CDH4: variants seen among roughly 807,000 people sequenced by gnomAD.
The protein encoded by CDH4 is cadherin-4.
CDH4 carries 33 observed loss-of-function variants against 86.0 expected under a neutral mutation model. The observed-to-expected ratio is 0.38, with a 90% CI of 0.29 to 0.51. CDH4 has a LOEUF of 0.51. Among genes scored for constraint, CDH4 ranks in the 20% least tolerant of loss-of-function variants. The probability of loss-of-function intolerance (pLI) is 0.86; values close to 1 mark genes in which losing one functional copy is unlikely to be tolerated. For synonymous variants in CDH4, 555 were observed against 549.4 expected (o/e 1.01, Z -0.14); for missense variants, 1,114 against 1,307.4 (o/e 0.85, Z 2.28).
chr20:61,303,204 CAA>C (rs1391410359), intron 2 of CDH4, among the ~76,000 whole-genome samples: 4 of 152,216 alleles, frequency 2.6e-5, no homozygotes, highest in Admixed American at 6.5e-5. Context: ...AGCTGTGAAA[CAA>C]GAGTGGAGAG....
chr20:61,389,799 A>T (rs1316343940), intron 2 of CDH4, among the ~76,000 whole-genome samples: 1 of 152,242 alleles, frequency 6.6e-6, no homozygotes, highest in Non-Finnish European at 1.5e-5. Context: ...CAAAGTGCCC[A>T]TAGCACCATG....
At chr20:61,814,185 C>T (rs746875516) in intron 4 of CDH4, among the ~76,000 whole-genome samples, 5 of 152,178 alleles carry the variant, frequency 3.3e-5, no homozygotes, top group Non-Finnish European at 7.3e-5. Flanking sequence ...CAGGAAAGGC[C>T]CACTTTGTAG....
intron 2 of CDH4, among the ~76,000 whole-genome samples, chr20:61,735,160 C>T (rs937851467): frequency 6.6e-6 from 1 of 152,136 alleles, no homozygotes; most frequent in Admixed American, 6.5e-5. Flanking sequence ...ACTCGGGACC[C>T]ACTCCAGGGA....
intron 2 of CDH4, among the ~76,000 whole-genome samples, chr20:61,527,184 A>C (rs1177999067): frequency 6.6e-6 from 1 of 152,342 alleles, no homozygotes; most frequent in African/African-American, 2.4e-5. Context: ...ACCAGCGCCC[A>C]GGCGCCCCTG....
intron 2 of CDH4, among the ~76,000 whole-genome samples, chr20:61,522,664 C>T (rs991803160): frequency 1.3e-5 from 2 of 152,264 alleles, no homozygotes; most frequent in African/African-American, 4.8e-5. Flanking sequence ...ACGCACGGCG[C>T]AGTCCGGGTG....
chr20:61,474,673 T>A (rs1369418799), intron 2 of CDH4, among the ~76,000 whole-genome samples: 2 of 152,134 alleles, frequency 1.3e-5, no homozygotes, highest in Non-Finnish European at 2.9e-5. Context: ...ACCCTTTCTT[T>A]AAAATGTAAT....
At chr20:61,318,538 C>T (rs1007312084) in intron 2 of CDH4, among the ~76,000 whole-genome samples, 72 of 152,028 alleles carry the variant, frequency 4.7e-4, no homozygotes, top group African/African-American at 1.5e-3. Flanking sequence ...GATCATGAAT[C>T]GGGTAGGGAT....
chr20:61,812,355 C>G (rs1464074916), intron 4 of CDH4, among the ~76,000 whole-genome samples: 2 of 152,114 alleles, frequency 1.3e-5, no homozygotes, highest in African/African-American at 2.4e-5. Context: ...GCTGGGCCTG[C>G]CGGGTGGGGC....
At chr20:61,682,271 T>C (rs891763568) in intron 2 of CDH4, among the ~76,000 whole-genome samples, 27 of 135,998 alleles carry the variant, frequency 2.0e-4, no homozygotes, top group African/African-American at 8.0e-4. Flanking sequence ...GAGGAACAGA[T>C]GGATGGATGG....
chr20:61,929,032 C>T (rs1468814154), intron 12 of CDH4, among the ~76,000 whole-genome samples: 1 of 152,100 alleles, frequency 6.6e-6, no homozygotes. Context: ...ATTGTCTGTT[C>T]AATGACTTTG....
At chr20:61,590,579 C>T (rs1011844898) in intron 2 of CDH4, among the ~76,000 whole-genome samples, 7 of 152,182 alleles carry the variant, frequency 4.6e-5, no homozygotes, top group African/African-American at 1.7e-4. Flanking sequence ...ATCAGCAGAT[C>T]GTCCATGGCT....
intron 7 of CDH4, among the ~76,000 whole-genome samples, chr20:61,877,566 C>T (rs1013040425): frequency 1.4e-4 from 21 of 152,230 alleles, no homozygotes; most frequent in East Asian, 9.7e-4. Context: ...GGCTTCTATC[C>T]GACGGGAGGC....
intron 2 of CDH4, among the ~76,000 whole-genome samples, chr20:61,640,409 C>T (rs1282059880): frequency 2.0e-5 from 3 of 152,212 alleles, no homozygotes; most frequent in Non-Finnish European, 4.4e-5. Flanking sequence ...AGAAGACAAG[C>T]ATGCAAGTAG....
At chr20:61,462,869 C>T (rs715923) in intron 2 of CDH4, among the ~76,000 whole-genome samples, 7 of 152,078 alleles carry the variant, frequency 4.6e-5, no homozygotes, top group South Asian at 4.2e-4. Flanking sequence ...GCACCTCACC[C>T]GTCAGTCTTC....
chr20:61,346,906 C>G (rs1293208032), intron 2 of CDH4, among the ~76,000 whole-genome samples: 2 of 152,138 alleles, frequency 1.3e-5, no homozygotes, highest in Non-Finnish European at 2.9e-5. Flanking sequence ...TGCCCCCCAT[C>G]TGTCCCTCAT....
chr20:61,866,702 C>G (rs1983565575), intron 6 of CDH4, among the ~76,000 whole-genome samples: 1 of 152,176 alleles, frequency 6.6e-6, no homozygotes, highest in Non-Finnish European at 1.5e-5. Context: ...GTGCCTTCTC[C>G]TCATTGTGCC....
chr20:61,855,984 CT>C (rs796843249), intron 6 of CDH4, among the ~76,000 whole-genome samples: 84 of 152,336 alleles, frequency 5.5e-4, no homozygotes, highest in African/African-American at 1.9e-3. Flanking sequence ...TCAAGCCCAC[CT>C]CGGTCACCCT....
intron 8 of CDH4, among the ~76,000 whole-genome samples, chr20:61,898,383 C>T (rs1441038694): frequency 6.6e-6 from 1 of 152,220 alleles, no homozygotes; most frequent in Non-Finnish European, 1.5e-5. Flanking sequence ...TGAGTGGGGA[C>T]CCTCGGCCCT....
At chr20:61,384,385 G>T (rs1175748691) in intron 2 of CDH4, among the ~76,000 whole-genome samples, 2 of 152,118 alleles carry the variant, frequency 1.3e-5, no homozygotes, top group Non-Finnish European at 2.9e-5. Context: ...CACCAATGGG[G>T]GTGCTAAAGA....
Sources: gnomAD v4.1 joint callset for allele counts (sites outside exome capture counted in the v4.1 genomes callset) on GRCh38, gnomAD v4.1.1 for gene constraint, MANE v1.5 for transcripts, NCBI Gene and HGNC (gene_info 2026-07-23, HGNC 2026-07-21) for gene names.